The following LYPD6 variants were observed in gnomAD, a reference collection of about 807,000 sequenced individuals.
LYPD6 encodes LY6/PLAUR domain containing 6.
Under a neutral mutation model 22.7 loss-of-function variants are expected in LYPD6, and 15 were observed. That is an observed-to-expected ratio of 0.66 (90% CI 0.44 to 1.02). The LOEUF is 1.02. LYPD6 is among the 50% of genes least tolerant of loss of function. LYPD6 has a pLI of 0.00. For synonymous variants in LYPD6, 72 were observed against 77.5 expected, an observed-to-expected ratio of 0.93 and a Z score of 0.37; for missense variants, 189 against 208.4, an observed-to-expected ratio of 0.91 and a Z score of 0.57.
chr2:149,460,710 A>C (rs140388407), intron 3 of LYPD6, among the ~76,000 whole-genome samples: 2 of 152,170 alleles, frequency 1.3e-5, no homozygotes, highest in African/African-American at 4.8e-5. Context: ...CATGGAACAC[A>C]TACCAAAATA....
chr2:149,366,331 C>G (rs1681664304), intron 1 of LYPD6, among the ~76,000 whole-genome samples: 1 of 152,144 alleles, frequency 6.6e-6, no homozygotes, highest in African/African-American at 2.4e-5. Flanking sequence ...CCGGCGTGTT[C>G]ACAGGCAGGA....
intron 2 of LYPD6, among the ~76,000 whole-genome samples, chr2:149,445,748 A>T (rs1423313782): frequency 6.6e-6 from 1 of 152,184 alleles, no homozygotes; most frequent in East Asian, 1.9e-4. Flanking sequence ...GGCTGGTTTG[A>T]TCTTCTATCC....
intron 1 of LYPD6, among the ~76,000 whole-genome samples, chr2:149,423,627 A>C (rs927710517): frequency 2.0e-5 from 3 of 152,204 alleles, no homozygotes; most frequent in Admixed American, 6.5e-5. Context: ...TTTTCTGCGG[A>C]TAGATACCTG....
At chr2:149,372,275 G>A (rs548538947) in intron 1 of LYPD6, among the ~76,000 whole-genome samples, 6 of 152,130 alleles carry the variant, frequency 3.9e-5, no homozygotes, top group Admixed American at 1.3e-4. Context: ...CCTTACGCCT[G>A]ATAAAGTCCC....
At chr2:149,413,220 G>A (rs1354719460) in intron 1 of LYPD6, among the ~76,000 whole-genome samples, 2 of 152,114 alleles carry the variant, frequency 1.3e-5, no homozygotes, top group Admixed American at 1.3e-4. Flanking sequence ...AGTAATTATG[G>A]CGCCAACATC....
intron 1 of LYPD6, among the ~76,000 whole-genome samples, chr2:149,337,730 C>T (rs1681066540): frequency 6.6e-6 from 1 of 152,160 alleles, no homozygotes; most frequent in Non-Finnish European, 1.5e-5. Context: ...ATTATTTCCT[C>T]ACCCAGGAAA....
At chr2:149,367,108 TAAC>T (rs1681688213) in intron 1 of LYPD6, among the ~76,000 whole-genome samples, 2 of 152,218 alleles carry the variant, frequency 1.3e-5, no homozygotes, top group African/African-American at 4.8e-5. Context: ...TGTTGTTGCA[TAAC>T]AAATTGCCAC....
intron 1 of LYPD6, among the ~76,000 whole-genome samples, chr2:149,413,852 C>A (rs2105125097): frequency 6.6e-6 from 1 of 152,276 alleles, no homozygotes; most frequent in South Asian, 2.1e-4. Context: ...GAACAATTAC[C>A]AAGTCTACTC....
chr2:149,377,789 C>G (rs1681960996), intron 1 of LYPD6, among the ~76,000 whole-genome samples: 1 of 122,444 alleles, frequency 8.2e-6, no homozygotes, highest in Admixed American at 8.2e-5. Context: ...CCACCCCCCC[C>G]CCCACCCCCC....
rs1196651 is a variant in LYPD6 at position 149,461,871 on chromosome 2, A to G, written c.218-6774A>G. On this transcript the variant is annotated intron_variant, in intron 3 of 4. Coordinates refer to ENST00000334166, the MANE Select transcript of LYPD6 (RefSeq NM_194317.5). The stretch of plus-strand genomic sequence containing the variant: ...ACACCATTTATGATTAAAACCTCTC[A>G]GAAAAATAGGAATAGCGAGAAACTT... Among the ~76,000 whole-genome samples the G allele has an allele frequency of 3.2e-3, 494 of 152,132 alleles. 5 individuals are homozygous for G. The highest frequency in any genetic ancestry group is 0.011 in the African/African-American group (461 of 41,566).
chr2:149,426,365 C>T (rs1314973521), intron 1 of LYPD6, among the ~76,000 whole-genome samples: 1 of 152,180 alleles, frequency 6.6e-6, no homozygotes, highest in Non-Finnish European at 1.5e-5. Context: ...ACACAAGATT[C>T]AGTATGAGTT....
intron 1 of LYPD6, among the ~76,000 whole-genome samples, chr2:149,384,810 T>C (rs1019311814): frequency 2.6e-5 from 4 of 152,042 alleles, no homozygotes; most frequent in African/African-American, 9.7e-5. Context: ...ACATGTGCCA[T>C]GCTGGTGTGC....
chr2:149,435,099 T>G (rs1683400921), intron 1 of LYPD6, among the ~76,000 whole-genome samples: 1 of 152,118 alleles, frequency 6.6e-6, no homozygotes, highest in African/African-American at 2.4e-5. Context: ...TGGGTTCTTA[T>G]GAGTAGAGGA....
upstream of LYPD6, chr2:149,330,414 G>GCCGGGCCAATGAGCGCGCC (rs1252630622): frequency 6.0e-5 from 9 of 150,586 alleles, no homozygotes; most frequent in African/African-American, 2.2e-4. Context: ...GGCCGCGCGC[G>GCCGGGCCAATGAGCGCGCC]CCGGGCCAAT....
chr2:149,372,644 T>TA (rs1299085499), intron 1 of LYPD6, among the ~76,000 whole-genome samples: 1 of 152,186 alleles, frequency 6.6e-6, no homozygotes, highest in African/African-American at 2.4e-5. Context: ...TGGTTTAGTT[T>TA]AAAAAATTAT....
At chr2:149,412,724 C>A (rs1682878446) in intron 1 of LYPD6, among the ~76,000 whole-genome samples, 2 of 151,990 alleles carry the variant, frequency 1.3e-5, no homozygotes, top group South Asian at 2.1e-4. Context: ...CGTTGGAAGC[C>A]AAAGTACTGT....
intron 1 of LYPD6, among the ~76,000 whole-genome samples, chr2:149,373,277 C>T (rs944158287): frequency 4.6e-5 from 7 of 152,052 alleles, no homozygotes; most frequent in African/African-American, 1.4e-4. Context: ...AGTGAGCCAC[C>T]GTTGAAGATG....
intron 3 of LYPD6, among the ~76,000 whole-genome samples, chr2:149,467,671 T>TGCAAATGTATAAA (rs1384835117): frequency 2.6e-5 from 4 of 152,274 alleles, no homozygotes; most frequent in African/African-American, 9.6e-5. Flanking sequence ...GTATAAAGCA[T>TGCAAATGTATAAA]GCAAAGTTGG....
intron 1 of LYPD6, among the ~76,000 whole-genome samples, chr2:149,364,561 T>G (rs1263476303): frequency 6.6e-6 from 1 of 150,578 alleles, no homozygotes; most frequent in Admixed American, 6.6e-5. Flanking sequence ...TTTTTTTTTT[T>G]GCATGTTCAA....
Sources: gnomAD v4.1 joint callset for allele counts (sites outside exome capture counted in the v4.1 genomes callset) on GRCh38, gnomAD v4.1.1 for gene constraint, MANE v1.5 for transcripts, NCBI Gene and HGNC (gene_info 2026-07-23, HGNC 2026-07-21) for gene names.